The following GPAT4 variants were observed in gnomAD, a reference collection of about 807,000 sequenced individuals.
The protein encoded by GPAT4 is glycerol-3-phosphate acyltransferase 4.
GPAT4 carries 17 observed loss-of-function variants against 58.0 expected under a neutral mutation model. That is an observed-to-expected ratio of 0.29 (90% CI 0.20 to 0.44). The LOEUF is 0.44. GPAT4 is among the 20% of genes least tolerant of loss of function. The pLI, the probability that GPAT4 is intolerant of heterozygous loss-of-function variation, is 1.00. For synonymous variants in GPAT4, 204 were observed against 210.1 expected, an observed-to-expected ratio of 0.97 and a Z score of 0.25; for missense variants, 377 against 574.5, an observed-to-expected ratio of 0.66 and a Z score of 3.51.
In GPAT4 at chr8:41,612,839, G is replaced by A. The variant is rs774689857; in HGVS notation, c.796-6G>A. 27 of 1,612,948 alleles carry A rather than the reference G, an allele frequency of 1.7e-5. No homozygotes were observed. The highest frequency in any genetic ancestry group is 7.7e-5 in the South Asian group (7 of 91,012). On this transcript the variant is annotated splice_region_variant and splice_polypyrimidine_tract_variant and intron_variant, in intron 7 of 12. Transcript: ENST00000396987. ...CACTACTAATGAGTCCTGTGCCTGC[G>A]CTTAGGTGGGTCAAGTGCACGGGGG... is the stretch of plus-strand genomic sequence containing the variant.
intron 5 of GPAT4, 86 bp from the exon 6 acceptor site, chr8:41,611,817 A>G (rs541169229): frequency 1.6e-6 from 2 of 1,271,260 alleles, no homozygotes; most frequent in African/African-American, 2.9e-5. Context: ...GCTGTTATAA[A>G]GGACTGCTGA....
intron 2 of GPAT4, among the ~76,000 whole-genome samples, chr8:41,605,926 A>G: frequency 6.6e-6 from 1 of 152,128 alleles, no homozygotes; most frequent in East Asian, 1.9e-4. Flanking sequence ...CAGCATGTGG[A>G]TCGGAGGGAA....
chr8:41,597,495 T>C (rs1013084009), intron 1 of GPAT4, among the ~76,000 whole-genome samples: 31 of 152,284 alleles, frequency 2.0e-4, no homozygotes, highest in African/African-American at 7.0e-4. Flanking sequence ...ATGTGGAAAA[T>C]ATGGCAAGGT....
At chr8:41,601,520 G>A (rs1409544843) in intron 2 of GPAT4, among the ~76,000 whole-genome samples, 1 of 152,136 alleles carries the variant, frequency 6.6e-6, no homozygotes, top group Admixed American at 6.5e-5. Context: ...ATAAACTTAG[G>A]ACACAGTGAG....
At chr8:41,591,202 C>G (rs1180638194) in intron 1 of GPAT4, among the ~76,000 whole-genome samples, 1 of 152,062 alleles carries the variant, frequency 6.6e-6, no homozygotes, top group Non-Finnish European at 1.5e-5. Context: ...GGGATTTTCA[C>G]GATGCTTTTC....
chr8:41,579,970 T>C (rs1457460422), intron 1 of GPAT4, among the ~76,000 whole-genome samples: 2 of 152,190 alleles, frequency 1.3e-5, no homozygotes, highest in Non-Finnish European at 2.9e-5. Context: ...GAGCTGCAGG[T>C]CTTAAGAGGC....
At chr8:41,617,954 C>T (rs560210669) in intron 10 of GPAT4, among the ~76,000 whole-genome samples, 2 of 152,342 alleles carry the variant, frequency 1.3e-5, no homozygotes, top group East Asian at 3.9e-4. Flanking sequence ...ACCTGCCCCT[C>T]CAGCTACTTG....
In GPAT4 at chr8:41,595,325, C is replaced by CTT. The variant is rs61465079; in HGVS notation, c.-848-2940_-848-2939dup. On this transcript the variant is annotated intron_variant, in intron 1 of 12. Coordinates refer to ENST00000396987, the MANE Select transcript of GPAT4 (RefSeq NM_178819.4). ...TTTCAGTGGTTAATGTTAAATCTTC[C>CTT]TTTTTTTTTTTTTTTTTTTTTTTTT... 1.3e-3 allele frequency among the ~76,000 whole-genome samples: 95 copies of CTT among 73,838 alleles called. 2 individuals carry two copies. The highest frequency in any genetic ancestry group is 5.0e-3 in the African/African-American group (85 of 16,966). The allele number at this position is 73,838 out of a possible 152,430, so 48.4% of individuals were successfully genotyped here.
chr8:41,599,437 G>A (rs1803022412), intron 2 of GPAT4, 133 bp downstream of exon 2: 2 of 1,073,022 alleles, frequency 1.9e-6, no homozygotes, highest in African/African-American at 3.2e-5. Context: ...GTGGCTTTTT[G>A]AGTAAGAAGA....
chr8:41,604,683 G>A (rs907783636), intron 2 of GPAT4, among the ~76,000 whole-genome samples: 1 of 152,328 alleles, frequency 6.6e-6, no homozygotes, highest in East Asian at 1.9e-4. Context: ...TCACGTTAGA[G>A]AAGATGAGAC....
intron 10 of GPAT4, chr8:41,618,426 A>G: frequency 1.9e-6 from 1 of 534,416 alleles, no homozygotes; most frequent in South Asian, 2.2e-5. Flanking sequence ...AGGAGGGAAG[A>G]CATTTGCTTG....
At chr8:41,589,206 C>T (rs539078502) in intron 1 of GPAT4, among the ~76,000 whole-genome samples, 5 of 152,284 alleles carry the variant, frequency 3.3e-5, no homozygotes, top group African/African-American at 1.2e-4. Flanking sequence ...CAAACACTAC[C>T]GATTTGATAA....
intron 12 of GPAT4, among the ~76,000 whole-genome samples, chr8:41,619,952 G>A (rs1803701332): frequency 6.6e-6 from 1 of 152,178 alleles, no homozygotes; most frequent in African/African-American, 2.4e-5. Context: ...TGTAAACAGT[G>A]TTCCCATTTT....
intron 1 of GPAT4, among the ~76,000 whole-genome samples, chr8:41,587,619 C>T (rs1802690026): frequency 6.6e-6 from 1 of 152,192 alleles, no homozygotes; most frequent in African/African-American, 2.4e-5. Context: ...TGTGCAGCAT[C>T]ATCTCTGCCC....
intron 10 of GPAT4, among the ~76,000 whole-genome samples, chr8:41,615,917 C>T (rs771143897): frequency 1.4e-4 from 22 of 152,160 alleles, no homozygotes; most frequent in Non-Finnish European, 2.8e-4. Context: ...CTGGTGAGGC[C>T]GATGCTCACC....
chr8:41,599,009 C>T lies in GPAT4; in HGVS notation c.-131C>T. On this transcript the variant is annotated 5_prime_UTR_variant, in exon 2 of 13. Coordinates refer to ENST00000396987, the MANE Select transcript of GPAT4 (RefSeq NM_178819.4). ...TATTCAGGCGGTTGAAGGGTGTGGA[C>T]TTTGGAATGGGGTTTGCTGTTCTTC... 2 of 1,266,406 alleles carry T rather than the reference C, an allele frequency of 1.6e-6. No individual in the cohort carries two copies. Among genetic ancestry groups the T allele is most frequent in the South Asian group, 1.5e-5 (1 of 66,686 alleles). 78.4% of individuals were successfully genotyped at this position (1,266,406 alleles called of 1,614,324 possible).
intron 1 of GPAT4, among the ~76,000 whole-genome samples, chr8:41,581,254 G>A (rs976678762): frequency 6.6e-6 from 1 of 152,098 alleles, no homozygotes. Flanking sequence ...GTCCTTTAAT[G>A]TACTTTTTCA....
chr8:41,582,766 CAA>C (rs1411479696), intron 1 of GPAT4, among the ~76,000 whole-genome samples: 1 of 151,786 alleles, frequency 6.6e-6, no homozygotes, highest in Admixed American at 6.6e-5. Context: ...AAGAAATTGA[CAA>C]ACAGTAATTT....
chr8:41,610,162 G>A (rs1803400205), intron 4 of GPAT4: 1 of 1,392,902 alleles, frequency 7.2e-7, no homozygotes, highest in Non-Finnish European at 9.3e-7. Flanking sequence ...GAAATAGTTG[G>A]ATTTCTTAAA....
Sources: allele counts gnomAD v4.1 joint callset (sites outside exome capture counted in the v4.1 genomes callset), GRCh38; gene constraint gnomAD v4.1.1; transcripts MANE v1.5; gene names NCBI Gene and HGNC (gene_info 2026-07-23, HGNC 2026-07-21).